NTRK3: variants seen among roughly 807,000 people sequenced by gnomAD.
The protein encoded by NTRK3 is neurotrophic receptor tyrosine kinase 3, also known as NT-3 growth factor receptor.
Under a neutral mutation model 91.7 loss-of-function variants are expected in NTRK3, and 24 were observed. The observed-to-expected ratio is 0.26, with a 90% CI of 0.19 to 0.37. The LOEUF (loss-of-function observed/expected upper bound fraction) is 0.37. Among genes scored for constraint, NTRK3 ranks in the 10% least tolerant of loss-of-function variants. The pLI is 1.00. For synonymous variants in NTRK3, 483 were observed against 404.0 expected (o/e 1.20, Z -2.34); for missense variants, 880 against 1,068.9 (o/e 0.82, Z 2.46).
intron 10 of NTRK3, among the ~76,000 whole-genome samples, chr15:88,131,805 A>G (rs1422559089): frequency 6.6e-6 from 1 of 152,124 alleles, no homozygotes; most frequent in African/African-American, 2.4e-5. Context: ...GCTTTGGAAG[A>G]AGGAGACATC....
At chr15:88,011,187 T>A (rs976302630) in intron 14 of NTRK3, among the ~76,000 whole-genome samples, 2 of 152,060 alleles carry the variant, frequency 1.3e-5, no homozygotes, top group Non-Finnish European at 2.9e-5. Context: ...AGCTCCTGAG[T>A]GTCCCCAGAA....
chr15:88,245,641 T>C (rs1389012168), intron 3 of NTRK3, among the ~76,000 whole-genome samples: 1 of 152,126 alleles, frequency 6.6e-6, no homozygotes, highest in African/African-American at 2.4e-5. Context: ...AAAGTATCTA[T>C]GCTTGTGGGG....
At chr15:87,909,569 C>T (rs972173556) in intron 17 of NTRK3, among the ~76,000 whole-genome samples, 25 of 152,044 alleles carry the variant, frequency 1.6e-4, no homozygotes, top group Admixed American at 9.2e-4. Context: ...AGAAAGAAGA[C>T]GGAGATGAAA....
At chr15:88,014,672 C>T (rs893570732) in intron 14 of NTRK3, among the ~76,000 whole-genome samples, 1 of 152,162 alleles carries the variant, frequency 6.6e-6, no homozygotes, top group Non-Finnish European at 1.5e-5. Context: ...TGCCACTTTT[C>T]CACCTGCCAA....
chr15:87,875,226 C>A (rs1158288710), exon 19 of NTRK3: 1 of 230,694 alleles, frequency 4.3e-6, no homozygotes, highest in Non-Finnish European at 8.6e-6. Flanking sequence ...TGGCAAAGGT[C>A]AGTCCCTTAG....
At chr15:87,882,545 G>A (rs1020798855) in intron 17 of NTRK3, among the ~76,000 whole-genome samples, 1 of 151,950 alleles carries the variant, frequency 6.6e-6, no homozygotes, top group African/African-American at 2.4e-5. Flanking sequence ...TACTAATAAT[G>A]CTATTAGTAC....
Position 88,183,274 on chromosome 15 carries a change from A to G in NTRK3, c.395+144T>C, listed in dbSNP as rs972901661. On this transcript the variant is annotated intron_variant, in intron 5 of 18. Transcript: ENST00000394480. The stretch of plus-strand genomic sequence containing the variant: ...ACCCAAAATAATCCTTTTAAGAGGC[A>G]AAATTGGAAGCCCAATAAAGTTCAA... 40 of 777,054 alleles carry G rather than the reference A, an allele frequency of 5.1e-5. No individual in the cohort carries two copies. In the Admixed American group the frequency reaches 7.5e-4, roughly 15 times the overall value. 48.1% of individuals were successfully genotyped at this position (777,054 alleles called of 1,614,324 possible). A position where few individuals can be genotyped will look rare whatever the true frequency, so the allele number is the denominator to read the frequency against.
intron 3 of NTRK3, among the ~76,000 whole-genome samples, chr15:88,227,321 C>A (rs2050759052): frequency 6.6e-6 from 1 of 152,174 alleles, no homozygotes; most frequent in Non-Finnish European, 1.5e-5. Context: ...TCCTCACCCC[C>A]AACATAAAAT....
At chr15:88,084,137 C>G (rs2048300169) in intron 13 of NTRK3, among the ~76,000 whole-genome samples, 1 of 146,184 alleles carries the variant, frequency 6.8e-6, no homozygotes, top group African/African-American at 2.5e-5. Context: ...TTCTTCGAAA[C>G]AGGAAATCAT....
intron 17 of NTRK3, among the ~76,000 whole-genome samples, chr15:87,907,583 C>T (rs1024936621): frequency 1.3e-5 from 2 of 152,036 alleles, no homozygotes; most frequent in African/African-American, 4.8e-5. Context: ...ACTTAACTAC[C>T]GCACGCCCTG....
At chr15:88,010,341 C>T (rs948391629) in intron 14 of NTRK3, among the ~76,000 whole-genome samples, 3 of 152,172 alleles carry the variant, frequency 2.0e-5, no homozygotes, top group Non-Finnish European at 2.9e-5. Flanking sequence ...TGGCTTGGAA[C>T]TTCGGGTCTT....
rs1181187841 is a variant in NTRK3, at chr15:87,995,968, G to T, written c.1585+36889C>A. Among the ~76,000 whole-genome samples the T allele has an allele frequency of 3.9e-5, 6 of 152,162 alleles. No individual in the cohort carries two copies. The East Asian group carries it at 1.2e-3, about 29-fold the overall frequency. On this transcript the variant is annotated intron_variant, in intron 14 of 18. Coordinates refer to ENST00000394480, the Ensembl canonical transcript of NTRK3. ...ATTTAAAAACATAAAAACCGGCTGG[G>T]TGTGATGGTTCATGCTTGTAATCCC...
chr15:88,184,236 T>C, exon 4 of NTRK3: 1 of 1,614,088 alleles, frequency 6.2e-7, no homozygotes, highest in Non-Finnish European at 8.5e-7. Context: ...GCTTTTGAAG[T>C]CCGGTGTAGA....
At chr15:88,009,727 T>A (rs117500634) in intron 14 of NTRK3, among the ~76,000 whole-genome samples, 1 of 152,178 alleles carries the variant, frequency 6.6e-6, no homozygotes, top group African/African-American at 2.4e-5. Flanking sequence ...GTGAAAGGAT[T>A]TGCAGCTTGT....
At chr15:88,161,173 A>G (rs899109619) in intron 5 of NTRK3, among the ~76,000 whole-genome samples, 3 of 152,218 alleles carry the variant, frequency 2.0e-5, no homozygotes, top group Non-Finnish European at 2.9e-5. Flanking sequence ...GGTTTTGCAT[A>G]TAAGAGTTCA....
At chr15:88,224,846 G>C (rs551231691) in intron 3 of NTRK3, among the ~76,000 whole-genome samples, 1 of 152,358 alleles carries the variant, frequency 6.6e-6, no homozygotes, top group East Asian at 1.9e-4. Flanking sequence ...GGCAGGCAGA[G>C]TGGCAGAGGT....
intron 14 of NTRK3, among the ~76,000 whole-genome samples, chr15:87,993,648 T>C (rs984939035): frequency 5.3e-5 from 8 of 152,120 alleles, no homozygotes; most frequent in African/African-American, 1.9e-4. Context: ...GTGGAAGATA[T>C]ATACTACACA....
intron 14 of NTRK3, among the ~76,000 whole-genome samples, chr15:87,965,310 A>C (rs1051043930): frequency 3.9e-5 from 6 of 152,224 alleles, no homozygotes; most frequent in African/African-American, 1.2e-4. Flanking sequence ...TAAAAGAAAA[A>C]AACTATCCTT....
At chr15:88,106,770 A>T (rs2050752755) in intron 13 of NTRK3, among the ~76,000 whole-genome samples, 1 of 152,064 alleles carries the variant, frequency 6.6e-6, no homozygotes, top group Admixed American at 6.5e-5. Context: ...GTCTCTACTA[A>T]AAATACAAAA....
Sources: allele counts gnomAD v4.1 joint callset (sites outside exome capture counted in the v4.1 genomes callset), GRCh38; gene constraint gnomAD v4.1.1; transcripts MANE v1.5; gene names NCBI Gene and HGNC (gene_info 2026-07-23, HGNC 2026-07-21).